Variants in FARP1 observed in about 807,000 individuals in gnomAD.
FARP1 encodes FERM, ARH/RhoGEF and pleckstrin domain protein 1, also known as FERM, ARHGEF and pleckstrin domain-containing protein 1.
In FARP1, 52 loss-of-function variants were observed where a neutral mutation model predicts 128.8. The ratio of observed to expected loss-of-function variants is 0.40; its 90% confidence interval spans 0.32 to 0.51. The LOEUF (loss-of-function observed/expected upper bound fraction) is 0.51. FARP1 is among the 20% of genes least tolerant of loss of function. FARP1 has a pLI of 0.45. For synonymous variants in FARP1, 580 were observed against 551.8 expected (o/e 1.05, Z -0.72); for missense variants, 1,333 against 1,367.9 (o/e 0.97, Z 0.40).
chr13:98,244,995 A>T, intron 2 of FARP1: 1 of 1,163,680 alleles, frequency 8.6e-7, no homozygotes, highest in Non-Finnish European at 1.1e-6. Context: ...CCACTAGGGG[A>T]AGATTCATTT....
chr13:98,264,047 G>A (rs1883995104), intron 2 of FARP1, among the ~76,000 whole-genome samples: 1 of 152,184 alleles, frequency 6.6e-6, no homozygotes, highest in South Asian at 2.1e-4. Flanking sequence ...GGGCAAAAGT[G>A]TGTTAGGCAG....
intron 8 of FARP1, 181 bp downstream of exon 8, chr13:98,385,995 T>C: frequency 1.6e-6 from 1 of 612,708 alleles, no homozygotes; most frequent in South Asian, 2.1e-5. Flanking sequence ...AGATTCTATT[T>C]CACTTACCTT....
chr13:98,435,737 G>A (rs760218491), intron 19 of FARP1, 31 bp downstream of exon 19: 46 of 1,610,620 alleles, frequency 2.9e-5, no homozygotes, highest in Admixed American at 2.3e-4. Flanking sequence ...TATGCACTGC[G>A]CGGGGAGCAG....
At chr13:98,274,821 C>T (rs924255432) in intron 2 of FARP1, among the ~76,000 whole-genome samples, 15 of 152,164 alleles carry the variant, frequency 9.9e-5, no homozygotes, top group African/African-American at 3.6e-4. Context: ...CAGTATCCTT[C>T]AAGTAAGTGA....
intron 2 of FARP1, among the ~76,000 whole-genome samples, chr13:98,297,707 T>C (rs1269289461): frequency 6.6e-6 from 1 of 152,166 alleles, no homozygotes; most frequent in African/African-American, 2.4e-5. Flanking sequence ...TTTGGGTAGA[T>C]GTGTATGTTT....
At chr13:98,244,340 T>C (rs1223197810) in intron 2 of FARP1, 5 of 639,470 alleles carry the variant, frequency 7.8e-6, no homozygotes, top group Non-Finnish European at 1.3e-5. Context: ...GATATAAGTA[T>C]AGGCTGGTGT....
At chr13:98,180,713 G>A (rs972502628) in intron 1 of FARP1, among the ~76,000 whole-genome samples, 2 of 152,104 alleles carry the variant, frequency 1.3e-5, no homozygotes, top group African/African-American at 4.8e-5. Flanking sequence ...GGCTCCTTTT[G>A]TGGGAATCTG....
At chr13:98,313,153 G>A (rs1390382265) in intron 2 of FARP1, among the ~76,000 whole-genome samples, 1 of 142,312 alleles carries the variant, frequency 7.0e-6, no homozygotes, top group African/African-American at 2.6e-5. Flanking sequence ...CACTCGAATC[G>A]GGTGGGTCAT....
At chr13:98,195,795 G>C (rs1205953861) in intron 1 of FARP1, among the ~76,000 whole-genome samples, 1 of 152,162 alleles carries the variant, frequency 6.6e-6, no homozygotes, top group Non-Finnish European at 1.5e-5. Context: ...GGGAAGCCAA[G>C]ATGGAAGGAT....
intron 3 of FARP1, among the ~76,000 whole-genome samples, chr13:98,347,498 C>T (rs1826454721): frequency 6.6e-6 from 1 of 151,908 alleles, no homozygotes; most frequent in Non-Finnish European, 1.5e-5. Context: ...ATCGTGTGGT[C>T]TTTGTCTTTT....
At chr13:98,286,543 G>A (rs1885178132) in intron 2 of FARP1, among the ~76,000 whole-genome samples, 1 of 152,184 alleles carries the variant, frequency 6.6e-6, no homozygotes, top group African/African-American at 2.4e-5. Context: ...CTGCCGCCAT[G>A]TGAGACATAC....
chr13:98,269,463 G>A (rs964501431), intron 2 of FARP1, among the ~76,000 whole-genome samples: 8 of 152,146 alleles, frequency 5.3e-5, no homozygotes, highest in African/African-American at 1.2e-4. Flanking sequence ...GCTTACATTC[G>A]TGTACTGTGT....
Position 98,448,458 on chromosome 13 carries a change from C to A in FARP1, c.*141C>A. 1 of 698,798 alleles carries A rather than the reference C, an allele frequency of 1.4e-6. No homozygotes were observed. The highest frequency in any genetic ancestry group is 2.5e-6 in the Non-Finnish European group (1 of 403,374). 43.3% of individuals were successfully genotyped at this position (698,798 alleles called of 1,614,324 possible). A position where few individuals can be genotyped will look rare whatever the true frequency, so the allele number is the denominator to read the frequency against. On this transcript the variant is annotated 3_prime_UTR_variant, in exon 27 of 27. Transcript: ENST00000319562. ...CCAGCAGCTCTCCTGTCTCCACAGC[C>A]GCGTTTTTTAACCCCGACCTCTCAG...
intron 2 of FARP1, among the ~76,000 whole-genome samples, chr13:98,336,312 C>T (rs375368539): frequency 3.3e-5 from 5 of 152,194 alleles, no homozygotes; most frequent in South Asian, 2.1e-4. Context: ...AGTGCAGTTG[C>T]GTGATCTTGG....
Position 98,361,885 on chromosome 13 carries a change from G to C in FARP1, c.277-3510G>C, listed in dbSNP as rs143914598. On this transcript the variant is annotated intron_variant, in intron 3 of 26. Transcript: ENST00000319562. ...AGAGCTCTGTGTTCGCATCATCTCA[G>C]GTCTCTTTGGATATCGGTCATCGCC... Among the ~76,000 whole-genome samples, 11 of 152,206 alleles carry C rather than the reference G, an allele frequency of 7.2e-5. No homozygotes were observed. The East Asian group carries it at 1.7e-3, about 24-fold the overall frequency.
At chr13:98,393,249 A>G (rs1890380432) in intron 11 of FARP1, among the ~76,000 whole-genome samples, 1 of 152,224 alleles carries the variant, frequency 6.6e-6, no homozygotes, top group Non-Finnish European at 1.5e-5. Context: ...ATAATTACCT[A>G]AAGTACATGA....
chr13:98,160,005 G>T (rs1876766137), intron 1 of FARP1, among the ~76,000 whole-genome samples: 1 of 152,184 alleles, frequency 6.6e-6, no homozygotes, highest in East Asian at 1.9e-4. Flanking sequence ...TTGGAGGTCA[G>T]TCATGGTCTT....
chr13:98,224,526 C>CAAAAAAAAAAAAAAAA (rs1203238924), intron 2 of FARP1, among the ~76,000 whole-genome samples: 3 of 50,272 alleles, frequency 6.0e-5, no homozygotes, highest in African/African-American at 1.2e-4. Context: ...GACTCTGTCT[C>CAAAAAAAAAAAAAAAA]AAAAAAAAAA....
chr13:98,332,932 T>A (rs1284693475), intron 2 of FARP1: 1 of 152,234 alleles, frequency 6.6e-6, no homozygotes, highest in Admixed American at 6.5e-5. Context: ...ACACAATTTC[T>A]ACTTTCCGCC....
Sources: allele counts gnomAD v4.1 joint callset (sites outside exome capture counted in the v4.1 genomes callset), GRCh38; gene constraint gnomAD v4.1.1; transcripts MANE v1.5; gene names NCBI Gene and HGNC (gene_info 2026-07-23, HGNC 2026-07-21).